The following SDC2 variants were observed in gnomAD, a reference collection of about 807,000 sequenced individuals.
The protein encoded by SDC2 is syndecan-2.
SDC2 carries 13 observed loss-of-function variants against 22.2 expected under a neutral mutation model. The ratio of observed to expected loss-of-function variants is 0.59; its 90% CI spans 0.38 to 0.93. SDC2 has a LOEUF of 0.93. Among genes scored for constraint, SDC2 ranks in the 40% least tolerant of loss-of-function variants. The probability of loss-of-function intolerance (pLI) is 0.00; values close to 1 mark genes in which losing one functional copy is unlikely to be tolerated. For synonymous variants in SDC2, 94 were observed against 92.8 expected (o/e 1.01, Z -0.07); for missense variants, 235 against 246.8 (o/e 0.95, Z 0.32).
chr8:96,586,253 G>C (rs373425880), intron 1 of SDC2: 27 of 152,182 alleles, frequency 1.8e-4, no homozygotes, highest in African/African-American at 6.3e-4. Context: ...TTTCTCAGTT[G>C]TGGGGTAACC....
chr8:96,569,918 G>A (rs1193691610), intron 1 of SDC2, among the ~76,000 whole-genome samples: 1 of 152,160 alleles, frequency 6.6e-6, no homozygotes, highest in Non-Finnish European at 1.5e-5. Flanking sequence ...TCTGGGAAAG[G>A]AGTCCTGACA....
chr8:96,493,990 G>T lies in SDC2; in HGVS notation c.-282G>T. Reference sequence around the variant, plus strand: ...CCACAGCAGAGCAAGAAGAGCTTCAGAGAGCAGCCTTCCCGGAGCACCAAC... The same window carrying T: ...CCACAGCAGAGCAAGAAGAGCTTCATAGAGCAGCCTTCCCGGAGCACCAAC... On this transcript the variant is annotated 5_prime_UTR_variant, in exon 1 of 5. Transcript: ENST00000302190. 2.0e-6 allele frequency: 1 copy of T among 510,592 alleles called. No individual in the cohort carries two copies. The allele number at this position is 510,592 out of a possible 1,614,324, so 31.6% of individuals were successfully genotyped here.
Position 96,583,393 on chromosome 8 carries a change from TG to T in SDC2, c.61-10086del, listed in dbSNP as rs1563670475. On this transcript the variant is annotated intron_variant, in intron 1 of 4. Transcript: ENST00000302190. ...TCATATATAAAATATATATGACATA[TG>T]TGTGTGTGTGTGTGTGTGTCTTGTG... Among the ~76,000 whole-genome samples the T allele has an allele frequency of 1.1e-4, 6 of 53,154 alleles. No homozygotes were observed. In the South Asian group the frequency reaches 2.7e-3, roughly 24 times the overall value. 34.9% of individuals were successfully genotyped at this position (53,154 alleles called of 152,430 possible).
At chr8:96,496,309 A>G (rs1028667711) in intron 1 of SDC2, among the ~76,000 whole-genome samples, 7 of 152,300 alleles carry the variant, frequency 4.6e-5, no homozygotes, top group African/African-American at 1.7e-4. Flanking sequence ...TTGGGGTTCT[A>G]ATATTTCTCA....
intron 1 of SDC2, among the ~76,000 whole-genome samples, chr8:96,513,837 A>G (rs1813363299): frequency 6.6e-6 from 1 of 152,138 alleles, no homozygotes; most frequent in Non-Finnish European, 1.5e-5. Flanking sequence ...AGGAGGCAGG[A>G]CCCATACCTG....
chr8:96,557,369 C>T (rs2130552960), intron 1 of SDC2, among the ~76,000 whole-genome samples: 1 of 134,446 alleles, frequency 7.4e-6, no homozygotes, highest in African/African-American at 2.6e-5. Context: ...AGACTTGGAA[C>T]CAACCCAAAT....
intron 1 of SDC2, among the ~76,000 whole-genome samples, chr8:96,510,492 CCTCA>C (rs1300372938): frequency 1.3e-5 from 2 of 152,078 alleles, no homozygotes; most frequent in Admixed American, 6.5e-5. Context: ...GCATGCTTGC[CCTCA>C]CTCACTTCTA....
intron 1 of SDC2, among the ~76,000 whole-genome samples, chr8:96,586,152 T>A (rs1814682759): frequency 6.6e-6 from 1 of 152,202 alleles, no homozygotes; most frequent in African/African-American, 2.4e-5. Flanking sequence ...TCTTCCAAGG[T>A]CACATTTACC....
intron 1 of SDC2, among the ~76,000 whole-genome samples, chr8:96,525,324 G>A (rs972569334): frequency 2.0e-5 from 3 of 151,710 alleles, no homozygotes; most frequent in African/African-American, 7.3e-5. Context: ...TCTCCTTTCT[G>A]CTCCTCTTTT....
chr8:96,581,919 T>C (rs373531872), intron 1 of SDC2, among the ~76,000 whole-genome samples: 42 of 152,344 alleles, frequency 2.8e-4, no homozygotes, highest in African/African-American at 9.4e-4. Context: ...TATACAGCAC[T>C]TCAGCACACC....
chr8:96,575,822 T>C (rs1328007242), intron 1 of SDC2, among the ~76,000 whole-genome samples: 1 of 152,204 alleles, frequency 6.6e-6, no homozygotes, highest in Non-Finnish European at 1.5e-5. Context: ...AGAAAAATGA[T>C]TTCTGTTCTG....
chr8:96,553,132 A>G (rs1454443113), intron 1 of SDC2, among the ~76,000 whole-genome samples: 1 of 152,182 alleles, frequency 6.6e-6, no homozygotes, highest in African/African-American at 2.4e-5. Context: ...AAGGCATAAA[A>G]TAAGTTTTAT....
intron 1 of SDC2, among the ~76,000 whole-genome samples, chr8:96,504,142 T>C (rs1301098928): frequency 1.3e-5 from 2 of 152,178 alleles, no homozygotes; most frequent in African/African-American, 4.8e-5. Flanking sequence ...AGTATTAATA[T>C]AAAGGTTCCC....
chr8:96,591,011 G>A (rs559576689), intron 1 of SDC2, among the ~76,000 whole-genome samples: 2 of 152,316 alleles, frequency 1.3e-5, no homozygotes, highest in South Asian at 2.1e-4. Flanking sequence ...CAGGAAGTCA[G>A]TTGGCTTGTC....
chr8:96,495,832 A>G (rs924527299), intron 1 of SDC2, among the ~76,000 whole-genome samples: 4 of 152,334 alleles, frequency 2.6e-5, no homozygotes, highest in Admixed American at 1.3e-4. Flanking sequence ...GAAACTGTAC[A>G]GACTACATGA....
At chr8:96,569,848 C>T (rs1163279718) in intron 1 of SDC2, among the ~76,000 whole-genome samples, 2 of 152,230 alleles carry the variant, frequency 1.3e-5, no homozygotes, top group African/African-American at 4.8e-5. Context: ...AGAGTGGCTC[C>T]TGGAGGCGGT....
chr8:96,582,418 A>C (rs1195345213), intron 1 of SDC2, among the ~76,000 whole-genome samples: 1 of 152,216 alleles, frequency 6.6e-6, no homozygotes, highest in Non-Finnish European at 1.5e-5. Context: ...TTTTAACTTC[A>C]GCTTTGAAAT....
chr8:96,585,770 C>A (rs538800144), intron 1 of SDC2, among the ~76,000 whole-genome samples: 1 of 152,052 alleles, frequency 6.6e-6, no homozygotes. Context: ...GTACATACAG[C>A]AAGGACCCTT....
At chr8:96,586,115 G>A (rs1271856112) in intron 1 of SDC2, among the ~76,000 whole-genome samples, 1 of 152,110 alleles carries the variant, frequency 6.6e-6, no homozygotes, top group African/African-American at 2.4e-5. Flanking sequence ...CTGGCTCATT[G>A]GAGGCCTTCT....
Sources: gnomAD v4.1 joint callset for allele counts (sites outside exome capture counted in the v4.1 genomes callset) on GRCh38, gnomAD v4.1.1 for gene constraint, MANE v1.5 for transcripts, NCBI Gene and HGNC (gene_info 2026-07-23, HGNC 2026-07-21) for gene names.